Variants in BRWD3 observed in about 807,000 individuals in gnomAD.
The protein encoded by BRWD3 is bromodomain and WD repeat domain containing 3, also known as bromodomain and WD repeat-containing protein 3.
BRWD3 carries 10 observed loss-of-function variants against 149.7 expected under a neutral mutation model. The ratio of observed to expected loss-of-function variants is 0.07; its 90% CI spans 0.04 to 0.11. The LOEUF (loss-of-function observed/expected upper bound fraction) is 0.11, where lower values mean the gene tolerates loss of function less well. Among genes scored for constraint, BRWD3 ranks in the 10% least tolerant of loss-of-function variants. BRWD3 has a pLI of 1.00. For synonymous variants in BRWD3, 504 were observed against 456.7 expected (o/e 1.10, Z -1.32); for missense variants, 940 against 1,373.2 (o/e 0.68, Z 4.99).
Position 80,683,156 on chromosome X carries a change from G to A in BRWD3, c.4234-528C>T, listed in dbSNP as rs2072479233. 3.6e-5 allele frequency among the ~76,000 whole-genome samples: 4 copies of A among 111,355 alleles called. No homozygotes were observed. In the South Asian group the frequency reaches 1.5e-3, roughly 41 times the overall value. On this transcript the variant is annotated intron_variant, in intron 37 of 40. Transcript: ENST00000373275. ...TACCATTAAAAACCTTGTTTTCAAA[G>A]AGTCATGAGATACAGGAAAACATTC...
rs1436184931 is a variant in BRWD3 at position 80,674,057 on chromosome X, A to G, written c.*2552T>C. On this transcript the variant is annotated 3_prime_UTR_variant, in exon 41 of 41. Coordinates refer to ENST00000373275, the MANE Select transcript of BRWD3 (RefSeq NM_153252.5). The stretch of plus-strand genomic sequence containing the variant: ...CTTCCAAACTTTTATTTTCACACTT[A>G]TTAAAATAATTTGCATGCAAACAGA... 8.9e-6 allele frequency: 1 copy of G among 111,997 alleles called. No individual in the cohort carries two copies. The highest frequency in any genetic ancestry group is 1.9e-5 in the Non-Finnish European group (1 of 53,051). The allele number at this position is 111,997 out of a possible 1,213,427, so 9.2% of individuals were successfully genotyped here. A position where few individuals can be genotyped will look rare whatever the true frequency, so the allele number is the denominator to read the frequency against.
chrX:80,710,022 T>G, intron 20 of BRWD3: 1 of 1,150,150 alleles, frequency 8.7e-7, no homozygotes, highest in South Asian at 1.8e-5. Context: ...TCAGCCACAG[T>G]TGGTCTGAAA....
At chrX:80,779,699 G>A (rs914400641) in intron 6 of BRWD3, among the ~76,000 whole-genome samples, 5 of 111,728 alleles carry the variant, frequency 4.5e-5, no homozygotes, top group African/African-American at 1.3e-4. Context: ...CCACGAAAGC[G>A]ACAAAAATGA....
At chrX:80,738,713 A>C (rs1291596151) in intron 8 of BRWD3, among the ~76,000 whole-genome samples, 2 of 111,891 alleles carry the variant, frequency 1.8e-5, no homozygotes, top group Non-Finnish European at 3.8e-5. Flanking sequence ...ATGTGCACAA[A>C]GCACATAGAA....
At chrX:80,709,921 AACC>A (rs767426445) in intron 20 of BRWD3, 47 of 840,709 alleles carry the variant, frequency 5.6e-5, no homozygotes, top group Admixed American at 2.5e-4. Context: ...CCTGTGCTGG[AACC>A]ACATTTAGAA....
chrX:80,785,807 G>A (rs1460450619), intron 6 of BRWD3, among the ~76,000 whole-genome samples: 1 of 112,235 alleles, frequency 8.9e-6, no homozygotes, highest in East Asian at 2.8e-4. Flanking sequence ...GCAGGCAGAT[G>A]ACCTGGGATC....
chrX:80,687,119 T>C, intron 34 of BRWD3, 116 bp from the exon 35 acceptor site: 1 of 452,002 alleles, frequency 2.2e-6, no homozygotes, highest in Non-Finnish European at 3.4e-6. Context: ...TATATATATA[T>C]ATATGGCAGC....
intron 22 of BRWD3, among the ~76,000 whole-genome samples, chrX:80,707,131 T>C (rs911076385): frequency 2.7e-5 from 3 of 112,349 alleles, no homozygotes; most frequent in Non-Finnish European, 5.6e-5. Flanking sequence ...CATAGTCATA[T>C]GCACTCGATC....
At chrX:80,736,927 A>T (rs1370546145) in intron 8 of BRWD3, among the ~76,000 whole-genome samples, 1 of 112,017 alleles carries the variant, frequency 8.9e-6, no homozygotes, top group Non-Finnish European at 1.9e-5. Context: ...CCAAATGAAG[A>T]TAATTAAACA....
At chrX:80,712,403 G>A (rs1208694772) in intron 20 of BRWD3, among the ~76,000 whole-genome samples, 3 of 110,027 alleles carry the variant, frequency 2.7e-5, no homozygotes, top group East Asian at 5.8e-4. Context: ...CGCAAGCCTC[G>A]GCCTCCCGAG....
At chrX:80,687,998 G>A in intron 34 of BRWD3, 71 bp downstream of exon 34, 1 of 777,022 alleles carries the variant, frequency 1.3e-6, no homozygotes, top group Middle Eastern at 2.8e-4. Flanking sequence ...CAAATATGGG[G>A]TTGGTCTTAG....
At chrX:80,781,565 C>T (rs1027092714) in intron 6 of BRWD3, among the ~76,000 whole-genome samples, 9 of 110,939 alleles carry the variant, frequency 8.1e-5, no homozygotes, top group African/African-American at 3.0e-4. Flanking sequence ...TAACTGCTTC[C>T]TGCTGAACTG....
intron 4 of BRWD3, among the ~76,000 whole-genome samples, chrX:80,803,001 C>T: frequency 9.3e-6 from 1 of 107,420 alleles, no homozygotes; most frequent in Admixed American, 1.0e-4. Context: ...ACTCAGGAGG[C>T]TGAGGCAGGA....
At chrX:80,767,292 C>T (rs1361695935) in intron 6 of BRWD3, among the ~76,000 whole-genome samples, 2 of 111,634 alleles carry the variant, frequency 1.8e-5, no homozygotes, top group African/African-American at 6.5e-5. Context: ...GAGACACTTC[C>T]CATTAGGGGC....
chrX:80,787,639 G>A (rs4826192), intron 6 of BRWD3, among the ~76,000 whole-genome samples: 28,825 of 107,390 alleles, frequency 0.27, 2,792 homozygotes, highest in South Asian at 0.63. Context: ...ATGATCAAAA[G>A]TCTAAATATA....
chrX:80,709,880 A>T (rs1334497197), intron 20 of BRWD3: 4 of 594,164 alleles, frequency 6.7e-6, no homozygotes, highest in Non-Finnish European at 1.1e-5. Context: ...CAACTTCTTG[A>T]TCCTCAGTTT....
At chrX:80,690,937 T>C in intron 31 of BRWD3, 116 bp downstream of exon 31, 2 of 881,381 alleles carry the variant, frequency 2.3e-6, no homozygotes, top group South Asian at 4.8e-5. Flanking sequence ...TTAAAGGAAA[T>C]TTTGGTGTGG....
chrX:80,789,004 T>C lies in BRWD3; in HGVS notation c.430+2850A>G, dbSNP rs1225226743. 2.7e-5 allele frequency among the ~76,000 whole-genome samples: 3 copies of C among 112,126 alleles called. No homozygotes were observed. In the East Asian group the frequency reaches 8.4e-4, roughly 31 times the overall value. ...TTGTAGTGGTGGTTACACAAAAATG[T>C]ATACAATTTGTCAAAACTTATTGAA... On this transcript the variant is annotated intron_variant, in intron 6 of 40. Transcript: ENST00000373275.
At chrX:80,758,479 T>C (rs2147809645) in intron 6 of BRWD3, among the ~76,000 whole-genome samples, 1 of 111,934 alleles carries the variant, frequency 8.9e-6, no homozygotes, top group African/African-American at 3.2e-5. Context: ...AAATGGCAGA[T>C]GGCCATTCCG....
Sources: allele counts gnomAD v4.1 joint callset (sites outside exome capture counted in the v4.1 genomes callset), GRCh38; gene constraint gnomAD v4.1.1; transcripts MANE v1.5; gene names NCBI Gene and HGNC (gene_info 2026-07-23, HGNC 2026-07-21).